Variants in GALNT7 observed in about 807,000 individuals in gnomAD.
The protein encoded by GALNT7 is polypeptide N-acetylgalactosaminyltransferase 7, also known as N-acetylgalactosaminyltransferase 7.
Under a neutral mutation model 82.1 loss-of-function variants are expected in GALNT7, and 60 were observed. The ratio of observed to expected loss-of-function variants is 0.73; its 90% CI spans 0.59 to 0.91. GALNT7 has a LOEUF of 0.91. Ranked by LOEUF, GALNT7 falls within the 40% of genes least tolerant of loss-of-function variation. The pLI is 0.00. For synonymous variants in GALNT7, 243 were observed against 275.1 expected, an observed-to-expected ratio of 0.88 and a Z score of 1.15; for missense variants, 660 against 804.2, an observed-to-expected ratio of 0.82 and a Z score of 2.17.
Position 173,302,638 on chromosome 4 carries a change from T to A in GALNT7, c.1266+474T>A, listed in dbSNP as rs2126848928. ...AGCATCCACCCTGTTGTTGAAGCAG[T>A]CTGGGAGCAATACTATCTTCCATGC... On this transcript the variant is annotated intron_variant, in intron 7 of 11. Transcript: ENST00000265000. This position sits in a 1 kb window ranked among gnomAD's most constrained non-coding sequence, Gnocchi z 4.2. Among the ~76,000 whole-genome samples, 1 of 152,316 alleles carries A rather than the reference T, an allele frequency of 6.6e-6. No homozygotes were observed. Among genetic ancestry groups the A allele is most frequent in the Admixed American group, 6.5e-5 (1 of 15,308 alleles).
intron 1 of GALNT7, among the ~76,000 whole-genome samples, chr4:173,194,791 T>A (rs1248033923): frequency 6.6e-6 from 1 of 151,972 alleles, no homozygotes; most frequent in Non-Finnish European, 1.5e-5. Context: ...CCTCCCCGCT[T>A]CCCCCACCCC....
At chr4:173,260,130 T>C (rs1365876129) in intron 2 of GALNT7, among the ~76,000 whole-genome samples, 1 of 152,220 alleles carries the variant, frequency 6.6e-6, no homozygotes, top group Non-Finnish European at 1.5e-5. Flanking sequence ...CAGAATGAAT[T>C]ATACAAAGGT....
chr4:173,263,733 TG>T (rs1307423260), intron 2 of GALNT7, among the ~76,000 whole-genome samples: 1 of 152,238 alleles, frequency 6.6e-6, no homozygotes, highest in African/African-American at 2.4e-5. Flanking sequence ...ATTTATTAGT[TG>T]GGTATTTTAT....
At chr4:173,178,052 T>TGTGTGTGTGTGTGTGTGTGCGTGCGCGC (rs563102408) in intron 1 of GALNT7, among the ~76,000 whole-genome samples, 2 of 129,510 alleles carry the variant, frequency 1.5e-5, no homozygotes, top group Non-Finnish European at 3.2e-5. Flanking sequence ...TGTGTGTGTG[T>TGTGTGTGTGTGTGTGTGTGCGTGCGCGC]GCGCGCACGC....
At chr4:173,200,821 GTGAGA>G (rs1732922462) in intron 1 of GALNT7, among the ~76,000 whole-genome samples, 1 of 152,124 alleles carries the variant, frequency 6.6e-6, no homozygotes, top group Non-Finnish European at 1.5e-5. Context: ...TTTTATTTCA[GTGAGA>G]TGAAAGTAAT....
At chr4:173,170,075 T>G (rs1447596719) in intron 1 of GALNT7, among the ~76,000 whole-genome samples, 1 of 152,050 alleles carries the variant, frequency 6.6e-6, no homozygotes, top group Admixed American at 6.5e-5. Context: ...GCACTGCGGC[T>G]TCCCTGACCC....
chr4:173,168,879 T>A lies in GALNT7; in HGVS notation c.44T>A (p.Val15Glu). Residue 15 changes from valine to glutamate, a missense_variant, in exon 1 of 12, where the codon GTG (valine) becomes GAG (glutamate). By Grantham distance (121) the Val-to-Glu change is moderately radical (BLOSUM62 -2). Coordinates refer to ENST00000265000, the MANE Select transcript of GALNT7 (RefSeq NM_017423.3). Reference sequence around the variant, plus strand: ...TTCATCTTACGCAGTTTGCTGGTGGTGGGAAGCTTCCTGGGGCTAGTGGTC... The same window carrying A: ...TTCATCTTACGCAGTTTGCTGGTGGAGGGAAGCTTCCTGGGGCTAGTGGTC... ...IGFILRSLLV[V>E]GSFLGLVVLW... The A allele has an allele frequency of 6.2e-7, 1 of 1,613,256 alleles. No homozygotes were observed.
At chr4:173,304,494 G>T (rs939820165) in intron 8 of GALNT7, among the ~76,000 whole-genome samples, 2 of 151,820 alleles carry the variant, frequency 1.3e-5, no homozygotes, top group African/African-American at 4.8e-5. Flanking sequence ...TGTATACATT[G>T]TGGGGATGGC....
At chr4:173,219,680 G>GT in intron 1 of GALNT7, among the ~76,000 whole-genome samples, 2 of 152,096 alleles carry the variant, frequency 1.3e-5, no homozygotes, top group East Asian at 3.9e-4. Context: ...TTTGATTACG[G>GT]TAATTCTTGC....
At chr4:173,261,851 A>G (rs1048324666) in intron 2 of GALNT7, among the ~76,000 whole-genome samples, 7 of 152,166 alleles carry the variant, frequency 4.6e-5, no homozygotes, top group Admixed American at 4.6e-4. Context: ...AATAATAGAT[A>G]GCTGCAAATA....
chr4:173,214,802 ATTT>A (rs11330284), intron 1 of GALNT7, among the ~76,000 whole-genome samples: 7 of 147,158 alleles, frequency 4.8e-5, no homozygotes, highest in African/African-American at 1.2e-4. Context: ...TATGACTTGG[ATTT>A]TTTTTTTTTT....
In GALNT7 at chr4:173,262,730, A is replaced by G. The variant is rs183649951; in HGVS notation, c.587+14290A>G. The stretch of plus-strand genomic sequence containing the variant: ...AATCATAAAAACTTATTCAGCATAC[A>G]GATCAGTCTCAGACGCTTTTCCTTG... On this transcript the variant is annotated intron_variant, in intron 2 of 11. Transcript: ENST00000265000. Among the ~76,000 whole-genome samples, 420 of 152,274 alleles carry G rather than the reference A, an allele frequency of 2.8e-3. 1 individual carries two copies. The highest frequency in any genetic ancestry group is 9.4e-3 in the African/African-American group (392 of 41,560).
chr4:173,291,264 C>T (rs140795160), intron 2 of GALNT7, among the ~76,000 whole-genome samples: 2 of 152,298 alleles, frequency 1.3e-5, no homozygotes, highest in African/African-American at 4.8e-5. Flanking sequence ...TTATTATCCT[C>T]ACCCATCTAA....
intron 1 of GALNT7, among the ~76,000 whole-genome samples, chr4:173,189,071 A>G (rs1439793151): frequency 6.6e-6 from 1 of 152,154 alleles, no homozygotes; most frequent in Non-Finnish European, 1.5e-5. Context: ...TTCATTCTCA[A>G]TCCTCAAACT....
At chr4:173,304,740 T>C (rs1737082988) in intron 8 of GALNT7, among the ~76,000 whole-genome samples, 1 of 152,118 alleles carries the variant, frequency 6.6e-6, no homozygotes, top group Admixed American at 6.5e-5. Context: ...ACTATCTGTT[T>C]ACTTGTTTAC....
At chr4:173,232,776 A>G (rs924482455) in intron 1 of GALNT7, among the ~76,000 whole-genome samples, 22 of 152,040 alleles carry the variant, frequency 1.4e-4, no homozygotes, top group African/African-American at 5.3e-4. Flanking sequence ...TCTTCTAGCT[A>G]TTTTGAAATG....
chr4:173,245,563 A>G (rs1231021289), intron 1 of GALNT7, among the ~76,000 whole-genome samples: 2 of 152,210 alleles, frequency 1.3e-5, no homozygotes, highest in East Asian at 1.9e-4. Context: ...TGTGAAAGGA[A>G]AAACTGAAGT....
rs1315082151 is a variant in GALNT7, at chr4:173,323,004, AT to A, written c.*1290del. On this transcript the variant is annotated 3_prime_UTR_variant, in exon 12 of 12. Transcript: ENST00000265000. The stretch of plus-strand genomic sequence containing the variant: ...TCCGGTGAACAGAAGATTTGTTTGG[AT>A]TTAAACATTTACTAAGACAGTACCT... 1 of 152,104 alleles carries A rather than the reference AT, an allele frequency of 6.6e-6. No individual in the cohort carries two copies. Among genetic ancestry groups the A allele is most frequent in the African/African-American group, 2.4e-5 (1 of 41,436 alleles). The allele number at this position is 152,104 out of a possible 1,614,324, so 9.4% of individuals were successfully genotyped here.
chr4:173,265,240 T>A (rs1029455281), intron 2 of GALNT7, among the ~76,000 whole-genome samples: 1 of 152,196 alleles, frequency 6.6e-6, no homozygotes, highest in African/African-American at 2.4e-5. Context: ...AATCCTGTTA[T>A]GAGAATGTCT....
Sources: allele counts gnomAD v4.1 joint callset (sites outside exome capture counted in the v4.1 genomes callset), GRCh38; gene constraint gnomAD v4.1.1; non-coding constraint Gnocchi (gnomAD v3.1); transcripts MANE v1.5; gene names NCBI Gene and HGNC (gene_info 2026-07-23, HGNC 2026-07-21).